The following C6orf118 variants were observed in gnomAD, a reference collection of about 807,000 sequenced individuals.
C6orf118 encodes the protein chromosome 6 open reading frame 118.
In C6orf118, 50 loss-of-function variants were observed where a neutral mutation model predicts 50.2. The ratio of observed to expected loss-of-function variants is 1.00; its 90% CI spans 0.79 to 1.26. The LOEUF is 1.26. C6orf118 is among the 50% of genes most tolerant of loss of function. The pLI is 0.00. For synonymous variants in C6orf118, 239 were observed against 230.9 expected (o/e 1.03, Z -0.32); for missense variants, 641 against 578.7 (o/e 1.11, Z -1.10).
intron 5 of C6orf118, among the ~76,000 whole-genome samples, chr6:165,294,276 A>ACC (rs1562328708): frequency 5.3e-5 from 8 of 151,624 alleles, no homozygotes; most frequent in Admixed American, 2.6e-4. Flanking sequence ...AACAAAAAAA[A>ACC]AAAAAGTAAA....
chr6:165,289,678 G>A (rs2128158578), intron 7 of C6orf118, among the ~76,000 whole-genome samples: 1 of 152,106 alleles, frequency 6.6e-6, no homozygotes, highest in South Asian at 2.1e-4. Flanking sequence ...GAAATCTATA[G>A]AATTTTTTTA....
intron 6 of C6orf118, among the ~76,000 whole-genome samples, 179 bp from the exon 7 acceptor site, chr6:165,290,246 T>C (rs1344576181): frequency 6.6e-6 from 1 of 152,182 alleles, no homozygotes; most frequent in East Asian, 1.9e-4. Context: ...ATTCCTCCTT[T>C]AATTCATTCC....
intron 7 of C6orf118, among the ~76,000 whole-genome samples, chr6:165,283,709 C>T (rs1471151160): frequency 6.6e-6 from 1 of 152,136 alleles, no homozygotes; most frequent in Admixed American, 6.5e-5. Flanking sequence ...AGTGGACCCC[C>T]AGCAAACTGC....
chr6:165,300,040 A>T (rs1391990816), intron 3 of C6orf118, among the ~76,000 whole-genome samples: 4 of 152,224 alleles, frequency 2.6e-5, no homozygotes, highest in Non-Finnish European at 4.4e-5. Context: ...TTCAAATAAC[A>T]TTACACATGT....
At chr6:165,303,040 C>T (rs1000614284) in intron 1 of C6orf118, among the ~76,000 whole-genome samples, 1 of 152,362 alleles carries the variant, frequency 6.6e-6, no homozygotes, top group Non-Finnish European at 1.5e-5. Flanking sequence ...TTGCCCCCTT[C>T]ATTTGCTGTT....
At chr6:165,309,352 C>A (rs1407705573) in intron 1 of C6orf118, among the ~76,000 whole-genome samples, 2 of 152,250 alleles carry the variant, frequency 1.3e-5, no homozygotes, top group African/African-American at 2.4e-5. Flanking sequence ...GCGCGCACCC[C>A]CCACCTCTGT....
chr6:165,301,098 C>G (rs997280530), intron 2 of C6orf118, among the ~76,000 whole-genome samples: 3 of 152,164 alleles, frequency 2.0e-5, no homozygotes, highest in African/African-American at 7.2e-5. Context: ...TGGGCCTCCC[C>G]CAGCTGACCA....
Position 165,301,732 on chromosome 6 carries a change from T to C in C6orf118, c.590A>G (p.Asp197Gly). The change falls in exon 2 of 9, where the codon GAC becomes GGC. Residue 197 changes from aspartate (D) to glycine (G), a missense_variant. Transcript: ENST00000230301. ...GTAGGAGCTGACATAGTGGTGCCGG[T>C]CCCTGGTGCCTCTGGACCCGGCCTC... ...YQEAGSRGTR[D>G]RHHYVSSYLA... 1 of 1,614,122 alleles carries C rather than the reference T, an allele frequency of 6.2e-7. No individual in the cohort carries two copies. Among genetic ancestry groups the C allele is most frequent in the South Asian group, 1.1e-5 (1 of 91,076 alleles).
At chr6:165,300,251 T>C in intron 3 of C6orf118, 113 bp downstream of exon 3, 1 of 1,288,904 alleles carries the variant, frequency 7.8e-7, no homozygotes, top group East Asian at 2.3e-5. Context: ...TCCCTGTCTG[T>C]AGAAGGGGGC....
intron 7 of C6orf118, among the ~76,000 whole-genome samples, chr6:165,286,915 G>A (rs1665565314): frequency 6.6e-6 from 1 of 152,038 alleles, no homozygotes; most frequent in Admixed American, 6.6e-5. Flanking sequence ...CATAATATTG[G>A]GAGTTCTAGC....
rs1779681068 is a variant in C6orf118, at chr6:165,280,219, C to A, written c.1357-109G>T. The A allele has an allele frequency of 4.3e-6, 3 of 705,666 alleles. No individual in the cohort carries two copies. The Admixed American group carries it at 9.3e-5, about 22-fold the overall frequency. The allele number at this position is 705,666 out of a possible 1,614,324, so 43.7% of individuals were successfully genotyped here. Reference sequence around the variant, plus strand: ...TTAGACACATTTACCCAAAAACAGACAAGATGAGACTTTGTAATCATTTAC... The same window carrying A: ...TTAGACACATTTACCCAAAAACAGAAAAGATGAGACTTTGTAATCATTTAC... On this transcript the variant is annotated intron_variant, in intron 8 of 8. Coordinates refer to ENST00000230301, the MANE Select transcript of C6orf118 (RefSeq NM_144980.4).
chr6:165,309,221 A>G (rs1008247556), intron 1 of C6orf118, among the ~76,000 whole-genome samples: 2 of 152,194 alleles, frequency 1.3e-5, no homozygotes, highest in African/African-American at 2.4e-5. Context: ...CACCCTCTGA[A>G]CAGCCTGCAA....
chr6:165,302,347 T>C, intron 1 of C6orf118, 51 bp from the exon 2 acceptor site: 1 of 1,573,368 alleles, frequency 6.4e-7, no homozygotes, highest in East Asian at 2.2e-5. Context: ...AGTTCCACAG[T>C]AAGTCAGCTG....
At chr6:165,290,101 G>T in intron 6 of C6orf118, 34 bp from the exon 7 acceptor site, 2 of 1,315,048 alleles carry the variant, frequency 1.5e-6, no homozygotes, top group South Asian at 1.3e-5. Flanking sequence ...GTATTACCAT[G>T]TTTAATATCT....
At chr6:165,292,917 A>T (rs1780152732) in intron 6 of C6orf118, among the ~76,000 whole-genome samples, 1 of 152,220 alleles carries the variant, frequency 6.6e-6, no homozygotes, top group Non-Finnish European at 1.5e-5. Flanking sequence ...TAGTCCTGTG[A>T]GCATATCCTA....
At chr6:165,289,408 T>C (rs1780029249) in intron 7 of C6orf118, among the ~76,000 whole-genome samples, 1 of 152,202 alleles carries the variant, frequency 6.6e-6, no homozygotes, top group Admixed American at 6.5e-5. Flanking sequence ...CATTGAGTTA[T>C]ATTCTACACA....
intron 5 of C6orf118, among the ~76,000 whole-genome samples, chr6:165,296,832 A>T (rs1052955334): frequency 2.0e-5 from 3 of 152,130 alleles, no homozygotes; most frequent in Non-Finnish European, 4.4e-5. Flanking sequence ...GCCTCACCTG[A>T]TGGACACACT....
intron 8 of C6orf118, 38 bp downstream of exon 8, chr6:165,281,602 T>A: frequency 6.7e-7 from 1 of 1,482,712 alleles, no homozygotes; most frequent in Admixed American, 2.7e-5. Context: ...AGAGGAAATA[T>A]TTTTATTGAT....
In C6orf118 at chr6:165,301,617, G is replaced by A. The variant is rs774521894; in HGVS notation, c.705C>T (p.Asp235=). 6.2e-7 allele frequency: 1 copy of A among 1,613,958 alleles called. No individual in the cohort carries two copies. Among genetic ancestry groups the A allele is most frequent in the Non-Finnish European group, 8.5e-7 (1 of 1,180,002 alleles). ...CCGCGGCCGCCTTGCTCCCAGTGAA[G>A]TCATTCTTCAGGAGATCTTGCTTGG... is the stretch of plus-strand genomic sequence containing the variant. ...VLAKQDLLKN[D]FTGSKAAAGH... The change falls in exon 2 of 9, where the codon GAC becomes GAT. Residue 235 remains aspartate, a synonymous_variant. Transcript: ENST00000230301.
Sources: gnomAD v4.1 joint callset for allele counts (sites outside exome capture counted in the v4.1 genomes callset) on GRCh38, gnomAD v4.1.1 for gene constraint, MANE v1.5 for transcripts, NCBI Gene and HGNC (gene_info 2026-07-23, HGNC 2026-07-21) for gene names.